Variants in SLX4IP observed in about 807,000 individuals in gnomAD.
The protein encoded by SLX4IP is protein SLX4IP.
SLX4IP carries 34 observed loss-of-function variants against 32.9 expected under a neutral mutation model. The observed-to-expected ratio is 1.03, with a 90% CI of 0.79 to 1.38. SLX4IP has a LOEUF of 1.38. Ranked by LOEUF, SLX4IP falls within the 40% of genes most tolerant of loss-of-function variation. SLX4IP has a pLI of 0.00. For synonymous variants in SLX4IP, 172 were observed against 171.7 expected (o/e 1.00, Z -0.01); for missense variants, 444 against 479.0 (o/e 0.93, Z 0.68).
chr20:10,515,879 G>GT (rs2065845874), intron 2 of SLX4IP, among the ~76,000 whole-genome samples: 2 of 152,110 alleles, frequency 1.3e-5, no homozygotes, highest in Non-Finnish European at 2.9e-5. Flanking sequence ...GTTACTTGAG[G>GT]TTTTTTTGTT....
At chr20:10,522,937 A>G (rs1297550475) in intron 2 of SLX4IP, among the ~76,000 whole-genome samples, 1 of 152,178 alleles carries the variant, frequency 6.6e-6, no homozygotes, top group Non-Finnish European at 1.5e-5. Flanking sequence ...CACTGGGTGC[A>G]CAACCCTCTT....
Position 10,454,778 on chromosome 20 carries a change from A to T in SLX4IP, c.-29-3398A>T, listed in dbSNP as rs1219940665. Among the ~76,000 whole-genome samples, 6 of 152,142 alleles carry T rather than the reference A, an allele frequency of 3.9e-5. No homozygotes were observed. In the East Asian group the frequency reaches 1.2e-3, roughly 29 times the overall value. ...CTTGGATATATCCTTAGGAATGGAA[A>T]TGCTGGGTCATGTGGCAACTCTTTA... is the stretch of plus-strand genomic sequence containing the variant. On this transcript the variant is annotated intron_variant, in intron 1 of 7. Coordinates refer to ENST00000334534, the MANE Select transcript of SLX4IP (RefSeq NM_001009608.3).
chr20:10,528,839 G>C (rs1042846063), intron 2 of SLX4IP, among the ~76,000 whole-genome samples: 5 of 152,324 alleles, frequency 3.3e-5, no homozygotes, highest in African/African-American at 9.6e-5. Context: ...AGATGTTTTT[G>C]TAATTCGGGA....
intron 2 of SLX4IP, among the ~76,000 whole-genome samples, chr20:10,484,690 C>T (rs983431641): frequency 6.6e-6 from 1 of 152,056 alleles, no homozygotes; most frequent in Non-Finnish European, 1.5e-5. Context: ...ATAGTCCTCA[C>T]CCTTAAGAAA....
intron 2 of SLX4IP, among the ~76,000 whole-genome samples, chr20:10,501,334 TTC>T (rs1361167296): frequency 6.6e-6 from 1 of 152,160 alleles, no homozygotes; most frequent in Admixed American, 6.5e-5. Flanking sequence ...TTCTTATTTG[TTC>T]TCCCCTCCCC....
intron 2 of SLX4IP, among the ~76,000 whole-genome samples, chr20:10,515,075 G>GA (rs1296689414): frequency 7.5e-6 from 1 of 133,036 alleles, no homozygotes; most frequent in Non-Finnish European, 1.6e-5. Context: ...TTTGTAAGTT[G>GA]AAGCTTTTTT....
chr20:10,561,210 A>G (rs1351363185), intron 4 of SLX4IP, among the ~76,000 whole-genome samples: 1 of 152,192 alleles, frequency 6.6e-6, no homozygotes, highest in African/African-American at 2.4e-5. Flanking sequence ...TCACCTGAGC[A>G]TTTATCATTT....
At chr20:10,481,275 T>C (rs545919344) in intron 2 of SLX4IP, among the ~76,000 whole-genome samples, 1 of 152,312 alleles carries the variant, frequency 6.6e-6, no homozygotes, top group Admixed American at 6.5e-5. Flanking sequence ...AAAAGATGGC[T>C]GCACTTGTAT....
intron 4 of SLX4IP, among the ~76,000 whole-genome samples, chr20:10,585,577 CT>C (rs1181095746): frequency 1.5e-5 from 2 of 135,408 alleles, no homozygotes; most frequent in Non-Finnish European, 3.1e-5. Context: ...CCTTTTTTTT[CT>C]TTCTTTCTTT....
In SLX4IP at chr20:10,518,487, CCTTTTCCTT is replaced by C. The variant is rs2065875489; in HGVS notation, c.28-37742_28-37734del. On this transcript the variant is annotated intron_variant, in intron 2 of 7. Coordinates refer to ENST00000334534, the MANE Select transcript of SLX4IP (RefSeq NM_001009608.3). ...CCTTTCCTTTCTTTTCCTTTCCTTT[CCTTTTCCTT>C]CCTTCCTTCCTTCCTTCCTTCCTTC... 2.1e-4 allele frequency among the ~76,000 whole-genome samples: 10 copies of C among 48,694 alleles called. 1 individual carries two copies. The highest frequency in any genetic ancestry group is 6.0e-4 in the African/African-American group (10 of 16,600). The allele number at this position is 48,694 out of a possible 152,430, so 31.9% of individuals were successfully genotyped here.
At chr20:10,525,796 C>T (rs1324204844) in intron 2 of SLX4IP, among the ~76,000 whole-genome samples, 1 of 152,216 alleles carries the variant, frequency 6.6e-6, no homozygotes, top group Non-Finnish European at 1.5e-5. Context: ...AGCGCACAGA[C>T]GTCATTTTCT....
intron 2 of SLX4IP, among the ~76,000 whole-genome samples, chr20:10,459,420 G>A (rs1239905810): frequency 6.6e-6 from 1 of 152,038 alleles, no homozygotes; most frequent in Non-Finnish European, 1.5e-5. Flanking sequence ...TGGTGTTTTG[G>A]GGACTTGACA....
At chr20:10,533,898 G>A (rs1053492677) in intron 2 of SLX4IP, among the ~76,000 whole-genome samples, 1 of 151,754 alleles carries the variant, frequency 6.6e-6, no homozygotes, top group African/African-American at 2.4e-5. Flanking sequence ...AGGATTATAG[G>A]TATGAGCCAC....
chr20:10,526,316 A>C (rs1367325341), intron 2 of SLX4IP, among the ~76,000 whole-genome samples: 1 of 152,236 alleles, frequency 6.6e-6, no homozygotes, highest in Non-Finnish European at 1.5e-5. Flanking sequence ...GCTCTTGCTC[A>C]ACTTTGGTTT....
In SLX4IP at chr20:10,601,827, T is replaced by A. The variant is rs745910124; in HGVS notation, c.405+8T>A. ...AGTCAGAATGAAGATTTGGTGAGTA[T>A]GAAAAAATTCTATAAACAAATAAGT... is the stretch of plus-strand genomic sequence containing the variant. On this transcript the variant is annotated splice_region_variant and intron_variant, in intron 6 of 7. Transcript: ENST00000334534. 5 of 1,611,432 alleles carry A rather than the reference T, an allele frequency of 3.1e-6. No homozygotes were observed. The South Asian group carries it at 5.5e-5, about 18-fold the overall frequency.
At chr20:10,506,210 A>G (rs1363053176) in intron 2 of SLX4IP, among the ~76,000 whole-genome samples, 1 of 152,230 alleles carries the variant, frequency 6.6e-6, no homozygotes, top group Non-Finnish European at 1.5e-5. Context: ...CAGCAATTAG[A>G]GTCTGTAGTT....
intron 2 of SLX4IP, among the ~76,000 whole-genome samples, chr20:10,524,484 G>T (rs1402376268): frequency 6.6e-6 from 1 of 152,184 alleles, no homozygotes; most frequent in Non-Finnish European, 1.5e-5. Context: ...AACACACAGG[G>T]CTCCCAGGAG....
intron 4 of SLX4IP, among the ~76,000 whole-genome samples, 171 bp downstream of exon 4, chr20:10,560,991 A>T (rs972093142): frequency 9.9e-5 from 15 of 152,252 alleles, no homozygotes; most frequent in African/African-American, 3.4e-4. Flanking sequence ...AAGAGCCCTC[A>T]GGACTTTTAA....
At chr20:10,620,858 A>T (rs1271304581) in intron 6 of SLX4IP, among the ~76,000 whole-genome samples, 2 of 152,182 alleles carry the variant, frequency 1.3e-5, no homozygotes, top group Admixed American at 1.3e-4. Context: ...CCCGGCCACA[A>T]AATATTCTTT....
Sources: gnomAD v4.1 joint callset for allele counts (sites outside exome capture counted in the v4.1 genomes callset) on GRCh38, gnomAD v4.1.1 for gene constraint, MANE v1.5 for transcripts, NCBI Gene and HGNC (gene_info 2026-07-23, HGNC 2026-07-21) for gene names.